DOCK8: variants seen among roughly 807,000 people sequenced by gnomAD.
DOCK8 encodes the protein dedicator of cytokinesis 8, also known as dedicator of cytokinesis protein 8.
Under a neutral mutation model 245.6 loss-of-function variants are expected in DOCK8, and 141 were observed. The ratio of observed to expected loss-of-function variants is 0.57; its 90% CI spans 0.50 to 0.66. The LOEUF is 0.66. DOCK8 is among the 30% of genes least tolerant of loss of function. DOCK8 has a pLI of 0.00. For missense variants in DOCK8, 2,965 were observed against 2,603.4 expected, an observed-to-expected ratio of 1.14 and a Z score of -3.02; for synonymous variants, 1,168 against 970.2, an observed-to-expected ratio of 1.20 and a Z score of -3.79.
intron 7 of DOCK8, among the ~76,000 whole-genome samples, chr9:319,678 G>C (rs1386413490): frequency 1.3e-5 from 2 of 151,768 alleles, no homozygotes; most frequent in African/African-American, 4.8e-5. Context: ...TTTGTTTAAA[G>C]TTGTAGACAT....
At chr9:223,044 T>A (rs1164170502) in intron 1 of DOCK8, among the ~76,000 whole-genome samples, 2 of 152,188 alleles carry the variant, frequency 1.3e-5, no homozygotes, top group African/African-American at 2.4e-5. Flanking sequence ...ACTTTTTTTT[T>A]AATGTTCCTT....
intron 1 of DOCK8, among the ~76,000 whole-genome samples, chr9:260,269 G>C (rs1587680237): frequency 1.3e-5 from 2 of 152,248 alleles, no homozygotes; most frequent in Non-Finnish European, 2.9e-5. Flanking sequence ...TAACCATACT[G>C]TCTTGAGTCT....
chr9:277,489 GACATACAAAAGA>G (rs2048403923), intron 2 of DOCK8, among the ~76,000 whole-genome samples: 8 of 135,748 alleles, frequency 5.9e-5, no homozygotes, highest in African/African-American at 2.6e-4. Context: ...GAGAAGAGAA[GACATACAAAAGA>G]AGAGTAACAT....
chr9:281,721 G>C (rs1015695883), intron 2 of DOCK8, among the ~76,000 whole-genome samples: 2 of 152,122 alleles, frequency 1.3e-5, no homozygotes, highest in African/African-American at 4.8e-5. Context: ...ATAGTTTAGA[G>C]AACAGAAATC....
At chr9:234,775 G>C (rs1327202798) in intron 1 of DOCK8, among the ~76,000 whole-genome samples, 2 of 151,730 alleles carry the variant, frequency 1.3e-5, no homozygotes, top group Non-Finnish European at 2.9e-5. Flanking sequence ...TCTTTGCATT[G>C]GTTATTCTAG....
intron 20 of DOCK8, among the ~76,000 whole-genome samples, chr9:379,220 T>A (rs1189328838): frequency 6.6e-6 from 1 of 152,088 alleles, no homozygotes; most frequent in Non-Finnish European, 1.5e-5. Context: ...AACAAGAGGT[T>A]CTATGCAGTA....
chr9:415,236 A>G (rs922105530), intron 29 of DOCK8, among the ~76,000 whole-genome samples: 2 of 152,224 alleles, frequency 1.3e-5, no homozygotes, highest in Non-Finnish European at 2.9e-5. Flanking sequence ...TTTATAAACC[A>G]TACACCACAA....
At chr9:220,917 C>A in intron 1 of DOCK8, 1 of 270,490 alleles carries the variant, frequency 3.7e-6, no homozygotes. Context: ...GATGGGGTTT[C>A]ACCGTGTTGT....
intron 14 of DOCK8, among the ~76,000 whole-genome samples, chr9:365,139 C>G (rs1455583285): frequency 6.6e-6 from 1 of 152,174 alleles, no homozygotes; most frequent in African/African-American, 2.4e-5. Flanking sequence ...TTTGGGAAAC[C>G]CTTGTAGGGG....
chr9:335,081 C>CA (rs921432274), intron 11 of DOCK8, among the ~76,000 whole-genome samples: 6 of 147,920 alleles, frequency 4.1e-5, no homozygotes, highest in Admixed American at 1.4e-4. Context: ...GACTTTGTCT[C>CA]AAAAAAAAAG....
At chr9:283,103 C>A (rs986056050) in intron 2 of DOCK8, among the ~76,000 whole-genome samples, 2 of 152,076 alleles carry the variant, frequency 1.3e-5, no homozygotes, top group East Asian at 3.9e-4. Context: ...GAAAGGCCTG[C>A]AAAAGGAAAC....
At chr9:318,306 A>G (rs2050436025) in intron 7 of DOCK8, among the ~76,000 whole-genome samples, 3 of 152,210 alleles carry the variant, frequency 2.0e-5, no homozygotes. Context: ...TCCATCTCTC[A>G]AAGTCACTTC....
intron 1 of DOCK8, among the ~76,000 whole-genome samples, chr9:232,389 A>G (rs1253076625): frequency 6.6e-6 from 1 of 152,184 alleles, no homozygotes; most frequent in African/African-American, 2.4e-5. Flanking sequence ...AGGCTTTGGT[A>G]TCAGGATGAT....
chr9:429,609 TGC>T, intron 35 of DOCK8, 91 bp from the exon 36 acceptor site: 1 of 1,482,870 alleles, frequency 6.7e-7, no homozygotes, highest in African/African-American at 1.4e-5. Context: ...CTAGGCTTTT[TGC>T]TTGTCCAAAT....
intron 27 of DOCK8, among the ~76,000 whole-genome samples, chr9:405,446 G>A (rs970390383): frequency 2.3e-4 from 35 of 152,176 alleles, no homozygotes; most frequent in African/African-American, 8.4e-4. Context: ...TATTCACCAG[G>A]TTTCTTTGCA....
intron 6 of DOCK8, chr9:312,907 C>G (rs1396229676): frequency 6.4e-6 from 1 of 157,210 alleles, no homozygotes; most frequent in African/African-American, 2.4e-5. Flanking sequence ...TGCTATATCT[C>G]TGCTGTCCAA....
intron 14 of DOCK8, chr9:366,190 G>T: frequency 6.5e-6 from 1 of 154,278 alleles, no homozygotes; most frequent in Non-Finnish European, 1.4e-5. Context: ...TACTCTTCTG[G>T]GAAGACCATC....
chr9:382,767 A>C, intron 22 of DOCK8, 82 bp downstream of exon 22: 1 of 1,533,780 alleles, frequency 6.5e-7, no homozygotes, highest in Non-Finnish European at 8.9e-7. Flanking sequence ...CACAGAAGCA[A>C]CCACTACTGC....
intron 1 of DOCK8, among the ~76,000 whole-genome samples, chr9:228,193 A>G (rs962248693): frequency 6.6e-6 from 1 of 152,182 alleles, no homozygotes; most frequent in Non-Finnish European, 1.5e-5. Flanking sequence ...CTTTTACACA[A>G]ATATGACATA....
Sources: gnomAD v4.1 joint callset for allele counts (sites outside exome capture counted in the v4.1 genomes callset) on GRCh38, gnomAD v4.1.1 for gene constraint, MANE v1.5 for transcripts, NCBI Gene and HGNC (gene_info 2026-07-23, HGNC 2026-07-21) for gene names.